HIVEP3: variants seen among roughly 807,000 people sequenced by gnomAD.
HIVEP3 encodes HIVEP zinc finger 3.
In HIVEP3, 49 loss-of-function variants were observed where a neutral mutation model predicts 152.8. The ratio of observed to expected loss-of-function variants is 0.32; its 90% CI spans 0.26 to 0.41. HIVEP3 has a LOEUF of 0.41. HIVEP3 is among the 10% of genes least tolerant of loss of function. The pLI, the probability that HIVEP3 is intolerant of heterozygous loss-of-function variation, is 1.00. For missense variants in HIVEP3, 2,790 were observed against 3,103.3 expected (o/e 0.90, Z 2.40); for synonymous variants, 1,269 against 1,289.0 (o/e 0.98, Z 0.33).
intron 2 of HIVEP3, among the ~76,000 whole-genome samples, chr1:41,645,542 C>T (rs1400331774): frequency 6.6e-6 from 1 of 152,240 alleles, no homozygotes; most frequent in Non-Finnish European, 1.5e-5. Context: ...CAACCATTCA[C>T]AACCTATGGC....
intron 2 of HIVEP3, among the ~76,000 whole-genome samples, chr1:41,658,461 CA>C (rs1270189861): frequency 2.6e-4 from 39 of 151,732 alleles, no homozygotes; most frequent in Non-Finnish European, 4.6e-4. Flanking sequence ...CAGAAGCAGA[CA>C]AAAAAAAGTC....
chr1:41,736,473 G>A (rs57257429), intron 1 of HIVEP3, among the ~76,000 whole-genome samples: 45,961 of 152,064 alleles, frequency 0.3, 7,846 homozygotes, highest in East Asian at 0.46. Flanking sequence ...TGCTCCCCCA[G>A]CTCCTTCTGC....
intron 1 of HIVEP3, among the ~76,000 whole-genome samples, chr1:41,742,052 C>A (rs527330665): frequency 3.3e-5 from 5 of 152,292 alleles, no homozygotes; most frequent in Admixed American, 6.5e-5. Context: ...TGTAGTTTAG[C>A]CCTGAATTCT....
intron 1 of HIVEP3, among the ~76,000 whole-genome samples, chr1:41,713,803 A>T (rs1646549973): frequency 6.6e-6 from 1 of 152,242 alleles, no homozygotes; most frequent in South Asian, 2.1e-4. Context: ...AAGACCTGCC[A>T]TGCTGAGCTC....
At chr1:41,870,817 T>TA (rs1644066121) in intron 1 of HIVEP3, among the ~76,000 whole-genome samples, 1 of 152,194 alleles carries the variant, frequency 6.6e-6, no homozygotes, top group Non-Finnish European at 1.5e-5. Flanking sequence ...GGAGTGTGGA[T>TA]AGAGTCAGGC....
intron 2 of HIVEP3, among the ~76,000 whole-genome samples, chr1:41,631,462 C>T (rs569770169): frequency 1.3e-5 from 2 of 152,288 alleles, no homozygotes; most frequent in East Asian, 3.9e-4. Flanking sequence ...CTGGAGTAAC[C>T]CGCACACAGG....
chr1:41,722,693 C>T (rs1570398510), intron 1 of HIVEP3, among the ~76,000 whole-genome samples: 1 of 152,020 alleles, frequency 6.6e-6, no homozygotes, highest in African/African-American at 2.4e-5. Flanking sequence ...AGGAGACAGA[C>T]TAGCAAAAAG....
Position 41,584,885 on chromosome 1 carries a change from A to G in HIVEP3, c.-88T>C. 7.9e-7 allele frequency: 1 copy of G among 1,271,672 alleles called. No individual in the cohort carries two copies. Among genetic ancestry groups the G allele is most frequent in the South Asian group, 2.2e-5 (1 of 45,518 alleles). 78.8% of individuals were successfully genotyped at this position (1,271,672 alleles called of 1,614,324 possible). On this transcript the variant is annotated 5_prime_UTR_variant, in exon 4 of 9. Transcript: ENST00000372583. This position sits in a 1 kb window ranked among gnomAD's most constrained non-coding sequence, Gnocchi z 5.2. ...ATCCCAGTGTCCCAAGGAGGTGTCC[A>G]GCTTTGGCCACATTGGTCAAGAGCT...
chr1:41,637,537 C>A (rs368590947), intron 2 of HIVEP3, among the ~76,000 whole-genome samples: 1 of 152,196 alleles, frequency 6.6e-6, no homozygotes, highest in South Asian at 2.1e-4. Context: ...CCTGACCAAG[C>A]GGTGAACCTT....
At chr1:41,652,923 G>A (rs113509222) in intron 2 of HIVEP3, among the ~76,000 whole-genome samples, 56 of 152,116 alleles carry the variant, frequency 3.7e-4, no homozygotes, top group African/African-American at 7.7e-4. Context: ...GGTTACCCTC[G>A]TCTCAATGAG....
chr1:41,687,877 T>C (rs954248173), intron 2 of HIVEP3, among the ~76,000 whole-genome samples: 1 of 152,260 alleles, frequency 6.6e-6, no homozygotes, highest in African/African-American at 2.4e-5. Context: ...ATGAGATATG[T>C]ACTCATTTTC....
intron 1 of HIVEP3, among the ~76,000 whole-genome samples, chr1:42,018,786 C>T (rs945320669): frequency 6.6e-6 from 1 of 152,046 alleles, no homozygotes; most frequent in Non-Finnish European, 1.5e-5. Context: ...ATAAACCTCA[C>T]TCCATTAGTT....
chr1:41,822,033 C>A (rs1388635605), intron 1 of HIVEP3, among the ~76,000 whole-genome samples: 1 of 152,160 alleles, frequency 6.6e-6, no homozygotes, highest in African/African-American at 2.4e-5. Flanking sequence ...TTTTATTGCT[C>A]CCAATTCTGT....
chr1:42,015,340 C>T (rs1210758439), intron 1 of HIVEP3, among the ~76,000 whole-genome samples: 1 of 152,200 alleles, frequency 6.6e-6, no homozygotes, highest in African/African-American at 2.4e-5. Context: ...ATTAAGTCTA[C>T]ATTCCAGGGC....
At chr1:41,705,652 A>C (rs781518260) in intron 1 of HIVEP3, among the ~76,000 whole-genome samples, 13 of 152,226 alleles carry the variant, frequency 8.5e-5, no homozygotes, top group Non-Finnish European at 1.6e-4. Context: ...GGGTGTGAGG[A>C]AATGGGTGCT....
At chr1:41,586,769 T>C (rs915797493) in intron 3 of HIVEP3, among the ~76,000 whole-genome samples, 8 of 152,202 alleles carry the variant, frequency 5.3e-5, no homozygotes, top group Non-Finnish European at 1.2e-4. Context: ...ATCTTTTAGC[T>C]AAAAAGCATA....
chr1:41,646,846 T>C (rs2124000543), intron 2 of HIVEP3, among the ~76,000 whole-genome samples: 1 of 152,290 alleles, frequency 6.6e-6, no homozygotes, highest in Non-Finnish European at 1.5e-5. Context: ...AGGTCACACA[T>C]CCAAAATGGG....
At chr1:41,905,119 C>T (rs1449869394) in intron 1 of HIVEP3, among the ~76,000 whole-genome samples, 2 of 152,128 alleles carry the variant, frequency 1.3e-5, no homozygotes, top group African/African-American at 2.4e-5. Context: ...CTAGGCCCTG[C>T]TTCCTACATA....
Position 41,581,700 on chromosome 1 carries a change from G to A in HIVEP3, c.3098C>T (p.Ala1033Val), listed in dbSNP as rs766672681. ...PSAPAPVAPP[A>V]RVAPPERRKC... is the part of the protein sequence containing the mutation. ...TCTTCTCTCTGGCGGGGCCACCCGC[G>A]CTGGTGGAGCCACTGGGGCTGGAGC... The change falls in exon 4 of 9, where the codon GCG (alanine) becomes GTG (valine). Residue 1033 changes from alanine (A) to valine (V), a missense_variant. By Grantham distance (64) the Ala-to-Val change is moderately conservative (BLOSUM62 0). This residue lies in a region of HIVEP3 where 1,078 missense variants were observed against 1,165.3 expected (regional missense o/e 0.93). Transcript: ENST00000372583. This position sits in a 1 kb window ranked among gnomAD's most constrained non-coding sequence, Gnocchi z 4.5. 3.2e-5 allele frequency: 51 copies of A among 1,613,458 alleles called. No individual in the cohort carries two copies. Among genetic ancestry groups the A allele is most frequent in the African/African-American group, 4.0e-5 (3 of 74,936 alleles).
Sources: allele counts gnomAD v4.1 joint callset (sites outside exome capture counted in the v4.1 genomes callset), GRCh38; gene constraint gnomAD v4.1.1; regional missense constraint gnomAD v4.1.1; non-coding constraint Gnocchi (gnomAD v3.1); transcripts MANE v1.5; gene names NCBI Gene and HGNC (gene_info 2026-07-23, HGNC 2026-07-21).